AGBL4: variants seen among roughly 807,000 people sequenced by gnomAD.
AGBL4 encodes the protein cytosolic carboxypeptidase 6.
In AGBL4, 58 loss-of-function variants were observed where a neutral mutation model predicts 66.4. The ratio of observed to expected loss-of-function variants is 0.87; its 90% CI spans 0.71 to 1.09. The LOEUF (loss-of-function observed/expected upper bound fraction) is 1.09. Among genes scored for constraint, AGBL4 ranks in the 50% least tolerant of loss-of-function variants. The pLI, the probability that AGBL4 is intolerant of heterozygous loss-of-function variation, is 0.00. For synonymous variants in AGBL4, 234 were observed against 222.9 expected, an observed-to-expected ratio of 1.05 and a Z score of -0.44; for missense variants, 579 against 631.0, an observed-to-expected ratio of 0.92 and a Z score of 0.88.
At chr1:49,199,541 A>G (rs1647519393) in intron 4 of AGBL4, among the ~76,000 whole-genome samples, 1 of 152,188 alleles carries the variant, frequency 6.6e-6, no homozygotes, top group African/African-American at 2.4e-5. Flanking sequence ...TCATTGAGAC[A>G]GCCTTCTTCA....
At chr1:49,755,687 C>A (rs932432301) in intron 2 of AGBL4, among the ~76,000 whole-genome samples, 24 of 152,122 alleles carry the variant, frequency 1.6e-4, no homozygotes, top group African/African-American at 5.8e-4. Context: ...ATCTTAGAGG[C>A]AGCAGCATGA....
In AGBL4 at chr1:49,966,967, G is replaced by A. The variant is rs531322563; in HGVS notation, c.34+56796C>T. On this transcript the variant is annotated intron_variant, in intron 1 of 13. Coordinates refer to ENST00000371839, the MANE Select transcript of AGBL4 (RefSeq NM_032785.4). ...GTGAATAGTGCTGCAATAAATATAC[G>A]TGTGCATGTGTCTTTATAGTAGAAT... Among the ~76,000 whole-genome samples the A allele has an allele frequency of 1.3e-4, 20 of 152,164 alleles. No individual in the cohort carries two copies. The South Asian group carries it at 3.3e-3, about 25-fold the overall frequency.
chr1:49,566,892 G>C (rs1644219587), intron 3 of AGBL4, among the ~76,000 whole-genome samples: 1 of 152,220 alleles, frequency 6.6e-6, no homozygotes, highest in Non-Finnish European at 1.5e-5. Context: ...CCTGCCCCCA[G>C]AGGTGGAGCC....
At chr1:49,089,102 A>G (rs1290715377) in intron 4 of AGBL4, among the ~76,000 whole-genome samples, 1 of 151,796 alleles carries the variant, frequency 6.6e-6, no homozygotes, top group Non-Finnish European at 1.5e-5. Context: ...CAGCTAAAAC[A>G]GTGTTAAGAG....
chr1:49,115,134 T>C (rs549548183), intron 4 of AGBL4, among the ~76,000 whole-genome samples: 36 of 152,266 alleles, frequency 2.4e-4, no homozygotes, highest in African/African-American at 1.9e-4. Context: ...ATGAGGTATA[T>C]CTGTAGTTGG....
intron 6 of AGBL4, among the ~76,000 whole-genome samples, chr1:48,827,314 A>T (rs1040401344): frequency 6.6e-6 from 1 of 152,226 alleles, no homozygotes; most frequent in African/African-American, 2.4e-5. Context: ...AAAGAGGAGT[A>T]ATAGGGAAAG....
chr1:49,358,710 G>A (rs1013626816), intron 3 of AGBL4, among the ~76,000 whole-genome samples: 8 of 152,138 alleles, frequency 5.3e-5, no homozygotes, highest in Non-Finnish European at 8.8e-5. Flanking sequence ...TAATTACAAG[G>A]ATAATCACTG....
intron 3 of AGBL4, among the ~76,000 whole-genome samples, chr1:49,408,470 C>G (rs1211692665): frequency 6.6e-6 from 1 of 152,182 alleles, no homozygotes; most frequent in East Asian, 1.9e-4. Flanking sequence ...CTGGGTGTGT[C>G]TGTAAGGGTG....
rs1405311496 is a variant in AGBL4 at position 48,710,264 on chromosome 1, T to C, written c.635-47023A>G. Among the ~76,000 whole-genome samples the C allele has an allele frequency of 3.3e-5, 5 of 152,152 alleles. No individual in the cohort carries two copies. The East Asian group carries it at 9.7e-4, about 29-fold the overall frequency. The stretch of plus-strand genomic sequence containing the variant: ...GTTTACCTGAGGCACAGTGGGGTTG[T>C]GTGGGACTCTGAGCTCTGAAGTTCC... On this transcript the variant is annotated intron_variant, in intron 6 of 13. Coordinates refer to ENST00000371839, the MANE Select transcript of AGBL4 (RefSeq NM_032785.4).
intron 7 of AGBL4, among the ~76,000 whole-genome samples, chr1:48,654,314 C>T (rs1290940539): frequency 4.6e-5 from 7 of 152,292 alleles, no homozygotes; most frequent in African/African-American, 1.7e-4. Context: ...AAGTGTGAAT[C>T]TGATCCTGTC....
At chr1:49,243,255 A>C (rs1651380020) in intron 4 of AGBL4, among the ~76,000 whole-genome samples, 1 of 151,794 alleles carries the variant, frequency 6.6e-6, no homozygotes, top group African/African-American at 2.4e-5. Context: ...GAAAGCTAGA[A>C]TTAGAAAGAC....
chr1:49,197,512 C>T (rs1030501376), intron 4 of AGBL4, among the ~76,000 whole-genome samples: 2 of 152,148 alleles, frequency 1.3e-5, no homozygotes, highest in Non-Finnish European at 2.9e-5. Context: ...AGGAAAGGTA[C>T]TCAGGTGTTA....
At chr1:49,039,492 T>C (rs1664934553) in intron 5 of AGBL4, among the ~76,000 whole-genome samples, 1 of 152,070 alleles carries the variant, frequency 6.6e-6, no homozygotes, top group Admixed American at 6.6e-5. Flanking sequence ...GCTGTGAAAC[T>C]AAAACCGTTC....
At chr1:49,191,340 T>TGAA (rs1249008913) in intron 4 of AGBL4, among the ~76,000 whole-genome samples, 37 of 152,242 alleles carry the variant, frequency 2.4e-4, no homozygotes, top group Admixed American at 5.2e-4. Flanking sequence ...TAGTCCATAA[T>TGAA]GCAGGAAAGC....
chr1:48,727,963 T>G lies in AGBL4; in HGVS notation c.635-64722A>C, dbSNP rs1349322957. The G allele has an allele frequency of 7.4e-6, 12 of 1,611,932 alleles. No homozygotes were observed. The Admixed American group carries it at 1.8e-4, about 25-fold the overall frequency. On this transcript the variant is annotated intron_variant, in intron 6 of 13. Coordinates refer to ENST00000371839, the MANE Select transcript of AGBL4 (RefSeq NM_032785.4). ...TTGATATCCATGATTTTTTCACAGA[T>G]GTACTTGTTGACTTTGGAGAGTCTC...
chr1:49,803,246 C>T, intron 2 of AGBL4, among the ~76,000 whole-genome samples: 1 of 152,024 alleles, frequency 6.6e-6, no homozygotes, highest in South Asian at 2.1e-4. Context: ...ATTTGATCCC[C>T]ACTCCTTTAA....
chr1:49,811,282 A>T (rs962151889), intron 2 of AGBL4, among the ~76,000 whole-genome samples: 20 of 152,166 alleles, frequency 1.3e-4, no homozygotes, highest in African/African-American at 4.8e-4. Context: ...GCAGGTCATG[A>T]GGATTCCAGT....
At chr1:49,472,059 T>C (rs1450135176) in intron 3 of AGBL4, 1 of 152,018 alleles carries the variant, frequency 6.6e-6, no homozygotes, top group Non-Finnish European at 1.5e-5. Context: ...TGGAAAATCG[T>C]AATTTTTACC....
chr1:49,985,593 T>C (rs928237749), intron 1 of AGBL4, among the ~76,000 whole-genome samples: 6 of 152,160 alleles, frequency 3.9e-5, no homozygotes, highest in Non-Finnish European at 5.9e-5. Flanking sequence ...TAAGAATGCT[T>C]ACACATAATG....
Sources: gnomAD v4.1 joint callset for allele counts (sites outside exome capture counted in the v4.1 genomes callset) on GRCh38, gnomAD v4.1.1 for gene constraint, MANE v1.5 for transcripts, NCBI Gene and HGNC (gene_info 2026-07-23, HGNC 2026-07-21) for gene names.